The following SLIT2 variants were observed in gnomAD, a reference collection of about 807,000 sequenced individuals.
SLIT2 encodes the protein slit guidance ligand 2.
Under a neutral mutation model 185.7 loss-of-function variants are expected in SLIT2, and 41 were observed. The observed-to-expected ratio is 0.22, with a 90% confidence interval of 0.17 to 0.29. SLIT2 has a LOEUF of 0.29. SLIT2 is among the 10% of genes least tolerant of loss of function. The probability of loss-of-function intolerance (pLI) is 1.00; values close to 1 mark genes in which losing one functional copy is unlikely to be tolerated. For missense variants in SLIT2, 1,571 were observed against 1,909.0 expected (o/e 0.82, Z 3.30); for synonymous variants, 693 against 680.2 (o/e 1.02, Z -0.29).
intron 4 of SLIT2, among the ~76,000 whole-genome samples, chr4:20,299,857 A>G (rs549956487): frequency 1.3e-5 from 2 of 152,238 alleles, no homozygotes; most frequent in East Asian, 3.9e-4. Context: ...GCTAAAAATA[A>G]TACAGTATTT....
rs1281946837 is a variant in SLIT2 at position 20,620,132 on chromosome 4, G to C, written c.*1123G>C. 1 of 239,380 alleles carries C rather than the reference G, an allele frequency of 4.2e-6. No individual in the cohort carries two copies. The highest frequency in any genetic ancestry group is 8.3e-6 in the Non-Finnish European group (1 of 121,030). The allele number at this position is 239,380 out of a possible 1,614,324, so 14.8% of individuals were successfully genotyped here. A position where few individuals can be genotyped will look rare whatever the true frequency, so the allele number is the denominator to read the frequency against. ...GAAAGAAGTGGCCCCTCTGCAACAT[G>C]TCCTCACAGAAACGAAATGGTGTGT... On this transcript the variant is annotated 3_prime_UTR_variant, in exon 37 of 37. Coordinates refer to ENST00000504154, the MANE Select transcript of SLIT2 (RefSeq NM_004787.4).
intron 22 of SLIT2, among the ~76,000 whole-genome samples, chr4:20,546,946 A>T (rs1723302618): frequency 2.0e-5 from 3 of 152,118 alleles, no homozygotes; most frequent in Non-Finnish European, 4.4e-5. Flanking sequence ...ATTTTAGAGT[A>T]AATATTACTA....
Position 20,598,324 on chromosome 4 carries a change from G to T in SLIT2, c.3621G>T (p.Ala1207=), listed in dbSNP as rs144274723. ...LLYKGDKDHI[A]VELYRGRVRA... ...ATAAGGGTGACAAAGACCATATCGC[G>T]GTAGAACTCTATCGGGGGCGTGTTC... Residue 1207 remains alanine (A), a synonymous_variant, in exon 33 of 37, where the codon GCG becomes GCT. Transcript: ENST00000504154. The T allele has an allele frequency of 6.2e-6, 10 of 1,613,912 alleles. No homozygotes were observed. The Admixed American group carries it at 1.2e-4, about 19-fold the overall frequency.
At chr4:20,605,918 G>T (rs1728765618) in intron 33 of SLIT2, among the ~76,000 whole-genome samples, 1 of 150,976 alleles carries the variant, frequency 6.6e-6, no homozygotes, top group African/African-American at 2.4e-5. Context: ...AGATGATTTT[G>T]TTTGTATTTT....
intron 4 of SLIT2, among the ~76,000 whole-genome samples, chr4:20,421,949 A>G (rs1173516890): frequency 2.6e-5 from 4 of 152,162 alleles, no homozygotes. Flanking sequence ...GATCTACAGG[A>G]ATTGTTTCCA....
In SLIT2 at chr4:20,501,217, G is replaced by A. The variant is rs974383571; in HGVS notation, c.915-9278G>A. Among the ~76,000 whole-genome samples the A allele has an allele frequency of 3.9e-5, 6 of 152,086 alleles. No homozygotes were observed. The East Asian group carries it at 7.7e-4, about 20-fold the overall frequency. On this transcript the variant is annotated intron_variant, in intron 9 of 36. Coordinates refer to ENST00000504154, the MANE Select transcript of SLIT2 (RefSeq NM_004787.4). ...TATTTTGGCTTCCTACAGACACAGA[G>A]CACCTCATTACTCAGCATACAAAAT...
At chr4:20,310,427 C>T (rs1718000869) in intron 4 of SLIT2, among the ~76,000 whole-genome samples, 1 of 152,172 alleles carries the variant, frequency 6.6e-6, no homozygotes, top group African/African-American at 2.4e-5. Context: ...ATAGCACCAT[C>T]ATAACCCGAG....
At chr4:20,307,933 T>C (rs1717739649) in intron 4 of SLIT2, among the ~76,000 whole-genome samples, 1 of 152,172 alleles carries the variant, frequency 6.6e-6, no homozygotes, top group African/African-American at 2.4e-5. Flanking sequence ...GCAGCTATTA[T>C]CTATTTGGTG....
At chr4:20,324,616 CAA>C (rs1002648496) in intron 4 of SLIT2, among the ~76,000 whole-genome samples, 1 of 152,064 alleles carries the variant, frequency 6.6e-6, no homozygotes, top group Non-Finnish European at 1.5e-5. Context: ...TTGAAAAATG[CAA>C]AGACGGTGGA....
intron 7 of SLIT2, among the ~76,000 whole-genome samples, chr4:20,486,550 A>C (rs1358966691): frequency 6.6e-6 from 1 of 152,154 alleles, no homozygotes; most frequent in Non-Finnish European, 1.5e-5. Context: ...TAAGAAATGG[A>C]AGACTCCTTG....
chr4:20,408,531 G>T (rs1201193212), intron 4 of SLIT2, among the ~76,000 whole-genome samples: 2 of 97,654 alleles, frequency 2.0e-5, no homozygotes, highest in African/African-American at 1.1e-4. Context: ...CGAAATTTCA[G>T]TTTGCTGACT....
chr4:20,342,785 C>T (rs181990122), intron 4 of SLIT2, among the ~76,000 whole-genome samples: 117 of 114,670 alleles, frequency 1.0e-3, no homozygotes, highest in African/African-American at 3.7e-3. Flanking sequence ...GCTGGAGATA[C>T]AGGCATAAGC....
At chr4:20,505,195 G>A (rs1719096236) in intron 9 of SLIT2, among the ~76,000 whole-genome samples, 1 of 151,726 alleles carries the variant, frequency 6.6e-6, no homozygotes, top group South Asian at 2.1e-4. Context: ...AACATTTATG[G>A]TAAGTTCTAT....
At chr4:20,339,303 C>T (rs551283837) in intron 4 of SLIT2, among the ~76,000 whole-genome samples, 17 of 151,852 alleles carry the variant, frequency 1.1e-4, no homozygotes, top group African/African-American at 3.6e-4. Flanking sequence ...CAGTGGTCTA[C>T]TTGGTCACAT....
intron 4 of SLIT2, among the ~76,000 whole-genome samples, chr4:20,305,830 G>GC (rs199821825): frequency 6.6e-6 from 1 of 150,628 alleles, no homozygotes; most frequent in Non-Finnish European, 1.5e-5. Flanking sequence ...CCGAGATAAT[G>GC]CCACTGCACT....
intron 4 of SLIT2, among the ~76,000 whole-genome samples, chr4:20,434,035 A>G (rs1008390772): frequency 1.3e-4 from 20 of 152,308 alleles, no homozygotes; most frequent in Middle Eastern, 6.8e-3. Flanking sequence ...CTTTAGGATA[A>G]AGCTTTGTGT....
At chr4:20,419,243 A>T (rs1727962681) in intron 4 of SLIT2, among the ~76,000 whole-genome samples, 1 of 152,188 alleles carries the variant, frequency 6.6e-6, no homozygotes, top group Non-Finnish European at 1.5e-5. Context: ...AACCCCCGTA[A>T]TTCCTTTGTA....
At position 20,394,195 on chromosome 4, in the gene SLIT2, G is replaced by GA. The variant is rs543041137; in HGVS notation, c.396-73548dup. ...TCAGGCAGGTAAAAGGGTTTTCAATGAAAAAAAAACATGAAAAAGGAGTTT... is the reference window on the plus strand; with the variant it reads ...TCAGGCAGGTAAAAGGGTTTTCAATGAAAAAAAAAACATGAAAAAGGAGTTT... On this transcript the variant is annotated intron_variant, in intron 4 of 36. Transcript: ENST00000504154. 2.4e-3 allele frequency among the ~76,000 whole-genome samples: 350 copies of GA among 147,988 alleles called. 2 individuals carry two copies. Among genetic ancestry groups the GA allele is most frequent in the East Asian group, 5.5e-3 (28 of 5,072 alleles).
intron 12 of SLIT2, among the ~76,000 whole-genome samples, chr4:20,523,292 G>C (rs569893843): frequency 5.9e-5 from 9 of 152,240 alleles, no homozygotes; most frequent in African/African-American, 2.2e-4. Context: ...GAGCCAATTG[G>C]GAGCTGTCGC....
Sources: gnomAD v4.1 joint callset for allele counts (sites outside exome capture counted in the v4.1 genomes callset) on GRCh38, gnomAD v4.1.1 for gene constraint, MANE v1.5 for transcripts, NCBI Gene and HGNC (gene_info 2026-07-23, HGNC 2026-07-21) for gene names.